Variants in ATRN observed in about 807,000 individuals in gnomAD.
ATRN encodes attractin-2.
A neutral mutation model predicts 178.7 loss-of-function variants in ATRN; 54 were observed. That is an observed-to-expected ratio of 0.30 (90% confidence interval 0.24 to 0.38). The LOEUF is 0.38. ATRN is among the 10% of genes least tolerant of loss of function. The pLI is 1.00. For synonymous variants in ATRN, 636 were observed against 663.0 expected, an observed-to-expected ratio of 0.96 and a Z score of 0.63; for missense variants, 1,443 against 1,815.1, an observed-to-expected ratio of 0.79 and a Z score of 3.73.
chr20:3,475,874 G>A (rs1215648695), intron 1 of ATRN, among the ~76,000 whole-genome samples: 1 of 152,220 alleles, frequency 6.6e-6, no homozygotes, highest in Non-Finnish European at 1.5e-5. Flanking sequence ...GGTGGGTGTA[G>A]TAGCTCACAC....
At chr20:3,615,784 A>G (rs1380828367) in intron 24 of ATRN, 5 of 454,482 alleles carry the variant, frequency 1.1e-5, no homozygotes, top group African/African-American at 8.0e-5. Flanking sequence ...TCAGCAAACT[A>G]TCGCAAGGAC....
chr20:3,565,478 AAAT>A, intron 11 of ATRN, 46 bp downstream of exon 11: 2 of 1,546,892 alleles, frequency 1.3e-6, no homozygotes, highest in Non-Finnish European at 1.8e-6. Flanking sequence ...TTTAAAATGA[AAAT>A]AAAGGGCCGG....
intron 16 of ATRN, among the ~76,000 whole-genome samples, chr20:3,583,263 C>T (rs2086305559): frequency 6.6e-6 from 1 of 152,194 alleles, no homozygotes; most frequent in African/African-American, 2.4e-5. Flanking sequence ...TGAGATTTTA[C>T]ATATTCAAGT....
chr20:3,568,261 C>CA (rs559544503), intron 11 of ATRN, among the ~76,000 whole-genome samples: 23 of 151,198 alleles, frequency 1.5e-4, no homozygotes, highest in African/African-American at 4.4e-4. Flanking sequence ...CACTGCACTC[C>CA]AGCCTGGGCA....
intron 24 of ATRN, among the ~76,000 whole-genome samples, chr20:3,618,935 A>G (rs1444773277): frequency 6.6e-6 from 1 of 152,208 alleles, no homozygotes; most frequent in Non-Finnish European, 1.5e-5. Flanking sequence ...GTTAGAATGT[A>G]CTTAGCCAGG....
At chr20:3,495,441 G>A (rs574117358) in intron 1 of ATRN, among the ~76,000 whole-genome samples, 1 of 152,298 alleles carries the variant, frequency 6.6e-6, no homozygotes, top group African/African-American at 2.4e-5. Context: ...ATGTTAATCT[G>A]AGAACCCTGT....
At chr20:3,521,665 A>G (rs2085298518) in intron 1 of ATRN, among the ~76,000 whole-genome samples, 1 of 152,258 alleles carries the variant, frequency 6.6e-6, no homozygotes, top group Admixed American at 6.5e-5. Context: ...TACTTAGAGA[A>G]CATGATACAT....
chr20:3,531,011 G>A (rs1221819843), intron 1 of ATRN, among the ~76,000 whole-genome samples: 1 of 152,134 alleles, frequency 6.6e-6, no homozygotes, highest in Non-Finnish European at 1.5e-5. Flanking sequence ...ATGCCTTTCA[G>A]TTTGATGCCT....
chr20:3,484,246 C>CT (rs1271814674), intron 1 of ATRN, among the ~76,000 whole-genome samples: 1 of 146,754 alleles, frequency 6.8e-6, no homozygotes, highest in Non-Finnish European at 1.5e-5. Context: ...GGGACCTTGT[C>CT]TTTAAAAAAA....
rs1387235131 is a variant in ATRN at position 3,562,405 on chromosome 20, A to G, written c.1577A>G (p.Asn526Ser). 1 of 1,614,218 alleles carries G rather than the reference A, an allele frequency of 6.2e-7. No homozygotes were observed. Residue 526 changes from asparagine to serine, a missense_variant, in exon 9 of 29, where the codon AAT becomes AGT. Physicochemically the swap from Asn to Ser is conservative, Grantham distance 46. This residue lies in a region of ATRN where 862 missense variants were observed against 972.1 expected (regional missense o/e 0.89). Transcript: ENST00000262919. The stretch of plus-strand genomic sequence containing the variant: ...GGTGGCTACAAGGCTTTCAGTGCCA[A>G]TAAGTACCGGCTTGCAGATGATCTC... ...VHGGYKAFSA[N>S]KYRLADDLYR...
At chr20:3,603,592 C>G (rs1301021386) in intron 23 of ATRN, among the ~76,000 whole-genome samples, 2 of 151,826 alleles carry the variant, frequency 1.3e-5, no homozygotes, top group African/African-American at 4.8e-5. Context: ...CAGGTTCAAG[C>G]GATTCTCCTG....
intron 27 of ATRN, among the ~76,000 whole-genome samples, chr20:3,643,179 C>T (rs1237969714): frequency 3.3e-5 from 5 of 152,150 alleles, no homozygotes. Context: ...AGAGTCCCAT[C>T]CAGCTGACAA....
At chr20:3,633,897 GTTGA>G (rs1483786268) in intron 25 of ATRN, among the ~76,000 whole-genome samples, 11 of 152,164 alleles carry the variant, frequency 7.2e-5, no homozygotes, top group Admixed American at 1.3e-4. Flanking sequence ...CTTATGAAAA[GTTGA>G]TTGTTACTTT....
chr20:3,533,588 G>A (rs913990009), intron 1 of ATRN, among the ~76,000 whole-genome samples: 1 of 152,144 alleles, frequency 6.6e-6, no homozygotes, highest in Non-Finnish European at 1.5e-5. Context: ...CGCTATCTTG[G>A]ATTATGAGGT....
At chr20:3,582,843 C>T (rs192144626) in intron 16 of ATRN, among the ~76,000 whole-genome samples, 3 of 152,268 alleles carry the variant, frequency 2.0e-5, no homozygotes, top group Non-Finnish European at 4.4e-5. Flanking sequence ...CCCAGAACTA[C>T]GCGAGAGCTG....
intron 1 of ATRN, among the ~76,000 whole-genome samples, chr20:3,473,527 C>T (rs895365255): frequency 7.9e-5 from 12 of 152,118 alleles, no homozygotes; most frequent in African/African-American, 7.2e-5. Flanking sequence ...GACCTTTAGC[C>T]CAAGAGCTGT....
intron 27 of ATRN, among the ~76,000 whole-genome samples, chr20:3,640,962 A>G (rs865975075): frequency 7.9e-5 from 12 of 152,240 alleles, no homozygotes; most frequent in Admixed American, 2.0e-4. Flanking sequence ...CCATGCTACA[A>G]TGTGATGAAC....
At chr20:3,505,463 C>T (rs897002173) in intron 1 of ATRN, among the ~76,000 whole-genome samples, 1 of 152,172 alleles carries the variant, frequency 6.6e-6, no homozygotes, top group Non-Finnish European at 1.5e-5. Context: ...CTTCTCAGCT[C>T]CTGTAATTGT....
chr20:3,509,227 A>G (rs1022838626), intron 1 of ATRN, among the ~76,000 whole-genome samples: 14 of 151,952 alleles, frequency 9.2e-5, no homozygotes, highest in African/African-American at 3.4e-4. Context: ...CCAATGAACT[A>G]TGATACAAAA....
Sources: allele counts gnomAD v4.1 joint callset (sites outside exome capture counted in the v4.1 genomes callset), GRCh38; gene constraint gnomAD v4.1.1; regional missense constraint gnomAD v4.1.1; transcripts MANE v1.5; gene names NCBI Gene and HGNC (gene_info 2026-07-23, HGNC 2026-07-21).